The following SPIDR variants were observed in gnomAD, a reference collection of about 807,000 sequenced individuals.
SPIDR encodes the protein DNA repair-scaffolding protein.
SPIDR carries 93 observed loss-of-function variants against 104.6 expected under a neutral mutation model. The ratio of observed to expected loss-of-function variants is 0.89; its 90% confidence interval spans 0.75 to 1.06. The LOEUF is 1.06. Ranked by LOEUF, SPIDR falls within the 50% of genes least tolerant of loss-of-function variation. The pLI, the probability that SPIDR is intolerant of heterozygous loss-of-function variation, is 0.00. For synonymous variants in SPIDR, 431 were observed against 416.9 expected (o/e 1.03, Z -0.41); for missense variants, 1,154 against 1,111.2 (o/e 1.04, Z -0.55).
chr8:47,350,141 T>C (rs189572872), intron 5 of SPIDR, among the ~76,000 whole-genome samples: 1 of 152,364 alleles, frequency 6.6e-6, no homozygotes, highest in African/African-American at 2.4e-5. Flanking sequence ...AAATTTGCTG[T>C]TATTGTAATC....
At chr8:47,281,531 C>G (rs2037775454) in intron 2 of SPIDR, among the ~76,000 whole-genome samples, 1 of 152,186 alleles carries the variant, frequency 6.6e-6, no homozygotes, top group African/African-American at 2.4e-5. Flanking sequence ...AGCATTTTCA[C>G]CAGGAGTAGA....
intron 6 of SPIDR, among the ~76,000 whole-genome samples, chr8:47,405,291 C>CGTGTGTGTGTGTGT (rs34302817): frequency 2.1e-5 from 3 of 145,004 alleles, no homozygotes; most frequent in African/African-American, 2.5e-5. Context: ...CAACATGGCA[C>CGTGTGTGTGTGTGT]GTGTGTGTGT....
At chr8:47,511,794 C>G in intron 8 of SPIDR, 1 of 1,146,386 alleles carries the variant, frequency 8.7e-7, no homozygotes, top group Non-Finnish European at 1.3e-6. Context: ...CATCCACCAG[C>G]TCATTGGAAC....
chr8:47,675,567 T>TC (rs2076328841), intron 11 of SPIDR, among the ~76,000 whole-genome samples: 4 of 152,248 alleles, frequency 2.6e-5, no homozygotes, highest in South Asian at 2.1e-4. Flanking sequence ...TCCTCACACT[T>TC]TGGGAAGCCA....
Position 47,596,013 on chromosome 8 carries a change from T to G in SPIDR, c.1293+7T>G. On this transcript the variant is annotated splice_region_variant and intron_variant, in intron 9 of 19. Transcript: ENST00000297423. ...TAATTCACCTGAAATCCAGGTAAACTCCTATTGGCCTAAAGGTTTTATGCT... is the reference window on the plus strand; with the variant it reads ...TAATTCACCTGAAATCCAGGTAAACGCCTATTGGCCTAAAGGTTTTATGCT... 1.9e-6 allele frequency: 3 copies of G among 1,607,398 alleles called. No individual in the cohort carries two copies. Among genetic ancestry groups the G allele is most frequent in the Non-Finnish European group, 2.5e-6 (3 of 1,177,076 alleles).
chr8:47,729,817 C>T, intron 19 of SPIDR: 1 of 203,034 alleles, frequency 4.9e-6, no homozygotes, highest in Non-Finnish European at 9.9e-6. Context: ...CTCCCAGGTT[C>T]AAGCGATTCT....
intron 8 of SPIDR, among the ~76,000 whole-genome samples, chr8:47,593,044 G>GC (rs1163923710): frequency 6.6e-6 from 1 of 151,814 alleles, no homozygotes; most frequent in African/African-American, 2.4e-5. Context: ...GCCCCACCAC[G>GC]CCCAGCTAAT....
At chr8:47,447,130 G>C (rs2070792874) in intron 8 of SPIDR, among the ~76,000 whole-genome samples, 1 of 152,228 alleles carries the variant, frequency 6.6e-6, no homozygotes, top group South Asian at 2.1e-4. Flanking sequence ...GCCTGAAGAT[G>C]GGACTGAATT....
At chr8:47,291,827 C>T (rs1586438053) in intron 4 of SPIDR, among the ~76,000 whole-genome samples, 5 of 152,292 alleles carry the variant, frequency 3.3e-5, no homozygotes, top group African/African-American at 1.2e-4. Context: ...AGAGGTGTAA[C>T]GTACTGACAA....
chr8:47,505,619 G>T (rs1212593591), intron 8 of SPIDR, among the ~76,000 whole-genome samples: 1 of 152,184 alleles, frequency 6.6e-6, no homozygotes, highest in African/African-American at 2.4e-5. Context: ...TTCGGCTCAT[G>T]CTCGGTCCGC....
intron 3 of SPIDR, among the ~76,000 whole-genome samples, chr8:47,285,950 G>A (rs1433228527): frequency 2.0e-5 from 3 of 152,102 alleles, no homozygotes; most frequent in Admixed American, 2.0e-4. Flanking sequence ...AATGAGCCTT[G>A]ATATCAAGGA....
chr8:47,471,480 C>A (rs1253557365), intron 8 of SPIDR, among the ~76,000 whole-genome samples: 2 of 151,998 alleles, frequency 1.3e-5, no homozygotes, highest in African/African-American at 2.4e-5. Flanking sequence ...CAATGAAATA[C>A]CACTTTTTGA....
At chr8:47,724,776 G>T (rs978787062) in intron 16 of SPIDR, among the ~76,000 whole-genome samples, 1 of 152,202 alleles carries the variant, frequency 6.6e-6, no homozygotes, top group Admixed American at 6.5e-5. Flanking sequence ...GATGGGGTGA[G>T]GGGGAGACAC....
At chr8:47,502,584 C>A (rs1586782665) in intron 8 of SPIDR, among the ~76,000 whole-genome samples, 3 of 152,004 alleles carry the variant, frequency 2.0e-5, no homozygotes, top group African/African-American at 7.2e-5. Flanking sequence ...TTTTCAAAAC[C>A]CAGCTCCTGG....
intron 8 of SPIDR, among the ~76,000 whole-genome samples, chr8:47,470,577 A>T (rs1554720293): frequency 6.6e-6 from 1 of 151,990 alleles, no homozygotes; most frequent in African/African-American, 2.4e-5. Context: ...ACCACGCCTG[A>T]CCATGAAGTG....
At chr8:47,709,612 G>T (rs2081566987) in intron 14 of SPIDR, among the ~76,000 whole-genome samples, 1 of 152,226 alleles carries the variant, frequency 6.6e-6, no homozygotes, top group Non-Finnish European at 1.5e-5. Flanking sequence ...TTTTAGCAAT[G>T]TAGTGGTAGT....
intron 5 of SPIDR, among the ~76,000 whole-genome samples, chr8:47,331,806 T>G (rs2048713037): frequency 6.6e-6 from 1 of 152,104 alleles, no homozygotes; most frequent in South Asian, 2.1e-4. Flanking sequence ...TAATAGCTCT[T>G]TTGTAATAAC....
In SPIDR at chr8:47,731,908, G is replaced by A. The variant is rs144040463; in HGVS notation, c.2604+2443G>A. Among the ~76,000 whole-genome samples the A allele has an allele frequency of 3.5e-3, 540 of 152,290 alleles. 7 individuals carry two copies. Among genetic ancestry groups the A allele is most frequent in the African/African-American group, 0.012 (511 of 41,544 alleles). On this transcript the variant is annotated intron_variant, in intron 19 of 19. Coordinates refer to ENST00000297423, the MANE Select transcript of SPIDR (RefSeq NM_001080394.4). Reference sequence around the variant, plus strand: ...AATGTTGGGAGAAAGCATTAGAAACGCCCCTGTTTGAGAACGCATGATAAA... The same window carrying A: ...AATGTTGGGAGAAAGCATTAGAAACACCCCTGTTTGAGAACGCATGATAAA...
chr8:47,365,030 A>C (rs541315685), intron 5 of SPIDR, among the ~76,000 whole-genome samples: 1 of 152,318 alleles, frequency 6.6e-6, no homozygotes, highest in South Asian at 2.1e-4. Context: ...TCTGTAGCAA[A>C]AGGAGTCTGC....
Sources: gnomAD v4.1 joint callset for allele counts (sites outside exome capture counted in the v4.1 genomes callset) on GRCh38, gnomAD v4.1.1 for gene constraint, MANE v1.5 for transcripts, NCBI Gene and HGNC (gene_info 2026-07-23, HGNC 2026-07-21) for gene names.